Variants in STPG2 observed in about 807,000 individuals in gnomAD.
STPG2 encodes sperm-tail PG-rich repeat-containing protein 2.
In STPG2, 56 loss-of-function variants were observed where a neutral mutation model predicts 54.2. That is an observed-to-expected ratio of 1.03 (90% CI 0.83 to 1.29). The LOEUF (loss-of-function observed/expected upper bound fraction) is 1.29. Among genes scored for constraint, STPG2 ranks in the 50% most tolerant of loss-of-function variants. The pLI is 0.00. For synonymous variants in STPG2, 200 were observed against 181.8 expected (o/e 1.10, Z -0.81); for missense variants, 596 against 544.9 (o/e 1.09, Z -0.93).
intron 7 of STPG2, 110 bp from the exon 8 acceptor site, chr4:97,944,117 TAAAG>T: frequency 1.5e-6 from 1 of 683,748 alleles, no homozygotes; most frequent in Non-Finnish European, 2.5e-6. Flanking sequence ...TGGCATTAAA[TAAAG>T]ACACATATTC....
chr4:98,121,433 T>C (rs1016252883), intron 3 of STPG2, among the ~76,000 whole-genome samples: 3 of 152,198 alleles, frequency 2.0e-5, no homozygotes, highest in Admixed American at 2.0e-4. Context: ...AGAATGTCAA[T>C]GGTAGTTTAA....
intron 9 of STPG2, 30 bp from the exon 10 acceptor site, chr4:97,712,844 T>G: frequency 6.9e-7 from 1 of 1,448,890 alleles, no homozygotes; most frequent in Non-Finnish European, 9.5e-7. Flanking sequence ...AAAATTATGA[T>G]AAAGTATATT....
chr4:97,914,766 A>G (rs998985822), intron 8 of STPG2, among the ~76,000 whole-genome samples: 11 of 152,216 alleles, frequency 7.2e-5, no homozygotes, highest in African/African-American at 2.2e-4. Flanking sequence ...AAATGCTCCA[A>G]TGAGCATTTT....
rs78617869 is a variant in STPG2, at chr4:97,469,243, A to T, written c.462+243456T>A. Reference sequence around the variant, plus strand: ...AATAACAACCCAGTGACATTTATAAATTTTTTAAATGCATGTTAATACATT... The same window carrying T: ...AATAACAACCCAGTGACATTTATAATTTTTTTAAATGCATGTTAATACATT... On this transcript the variant is annotated intron_variant, in intron 4 of 4. Transcript: ENST00000522676. Among the ~76,000 whole-genome samples, 920 of 152,204 alleles carry T rather than the reference A, an allele frequency of 6.0e-3. 5 individuals carry two copies. Among genetic ancestry groups the T allele is most frequent in the South Asian group, 0.02 (98 of 4,830 alleles).
chr4:97,627,341 A>G (rs887362148), intron 10 of STPG2, among the ~76,000 whole-genome samples: 2 of 152,182 alleles, frequency 1.3e-5, no homozygotes, highest in Non-Finnish European at 1.5e-5. Flanking sequence ...GCTGCTCAAT[A>G]TGGAATTCTA....
intron 8 of STPG2, among the ~76,000 whole-genome samples, chr4:97,877,969 G>C (rs1730238374): frequency 6.6e-6 from 1 of 151,996 alleles, no homozygotes; most frequent in Non-Finnish European, 1.5e-5. Flanking sequence ...GGTAAATACA[G>C]CCATTCCAAA....
At chr4:97,884,035 G>A (rs890650373) in intron 8 of STPG2, among the ~76,000 whole-genome samples, 2 of 152,060 alleles carry the variant, frequency 1.3e-5, no homozygotes, top group Non-Finnish European at 2.9e-5. Context: ...GCACACTCAT[G>A]GGCAACTGCA....
intron 9 of STPG2, among the ~76,000 whole-genome samples, chr4:97,796,404 CA>C (rs1321378300): frequency 6.6e-6 from 1 of 152,180 alleles, no homozygotes; most frequent in African/African-American, 2.4e-5. Context: ...GATCCAGTTT[CA>C]GCTTTCTACA....
intron 8 of STPG2, among the ~76,000 whole-genome samples, chr4:97,885,103 G>A (rs1050303917): frequency 6.6e-5 from 10 of 152,062 alleles, no homozygotes; most frequent in African/African-American, 1.4e-4. Context: ...GAAACGTAAC[G>A]CTTAACATAG....
intron 9 of STPG2, among the ~76,000 whole-genome samples, chr4:97,776,830 T>C (rs1726393279): frequency 6.6e-6 from 1 of 152,216 alleles, no homozygotes; most frequent in Non-Finnish European, 1.5e-5. Context: ...TCTTTATTAC[T>C]ATTGCCTTCT....
At chr4:97,444,847 G>A (rs959981668) in intron 4 of STPG2, among the ~76,000 whole-genome samples, 10 of 152,082 alleles carry the variant, frequency 6.6e-5, no homozygotes, top group Admixed American at 2.6e-4. Context: ...GGCTAACATC[G>A]TGAAACCCCG....
At chr4:98,016,192 A>C (rs1303525689) in intron 5 of STPG2, among the ~76,000 whole-genome samples, 1 of 152,188 alleles carries the variant, frequency 6.6e-6, no homozygotes, top group Non-Finnish European at 1.5e-5. Context: ...TGTATCCCAG[A>C]ACTTAAAGTA....
intron 10 of STPG2, among the ~76,000 whole-genome samples, chr4:97,614,024 T>C (rs1352184303): frequency 6.6e-6 from 1 of 152,128 alleles, no homozygotes; most frequent in Non-Finnish European, 1.5e-5. Flanking sequence ...ATAACATCAA[T>C]GACAATTAGT....
At chr4:97,762,498 T>C (rs2149054800) in intron 9 of STPG2, among the ~76,000 whole-genome samples, 2 of 152,224 alleles carry the variant, frequency 1.3e-5, no homozygotes, top group Non-Finnish European at 2.9e-5. Flanking sequence ...ATGAAAAGAA[T>C]CCCATTTGCC....
At chr4:97,911,865 T>C (rs922483432) in intron 8 of STPG2, among the ~76,000 whole-genome samples, 1 of 151,882 alleles carries the variant, frequency 6.6e-6, no homozygotes. Context: ...AGCAGGTCCC[T>C]AATCCCGTTC....
chr4:97,757,689 C>T (rs1725772786), intron 9 of STPG2, among the ~76,000 whole-genome samples: 2 of 152,228 alleles, frequency 1.3e-5, no homozygotes, highest in South Asian at 4.1e-4. Context: ...AGTTTCCAAA[C>T]AAATATATTC....
chr4:97,865,529 GC>G (rs1220541214), intron 8 of STPG2, among the ~76,000 whole-genome samples: 1 of 152,146 alleles, frequency 6.6e-6, no homozygotes, highest in Non-Finnish European at 1.5e-5. Flanking sequence ...AGACAGTGTG[GC>G]AATTCCTTAG....
At chr4:98,091,315 A>C (rs2110126537) in intron 5 of STPG2, among the ~76,000 whole-genome samples, 1 of 152,114 alleles carries the variant, frequency 6.6e-6, no homozygotes, top group Middle Eastern at 3.4e-3. Context: ...CTGAGATTAC[A>C]AATCTGTTCA....
intron 8 of STPG2, among the ~76,000 whole-genome samples, chr4:97,880,560 G>A (rs909973211): frequency 1.9e-4 from 29 of 151,916 alleles, no homozygotes; most frequent in African/African-American, 2.9e-4. Flanking sequence ...AGGGAAGTCC[G>A]CAAATTAGAT....
Sources: allele counts gnomAD v4.1 joint callset (sites outside exome capture counted in the v4.1 genomes callset), GRCh38; gene constraint gnomAD v4.1.1; transcripts MANE v1.5; gene names NCBI Gene and HGNC (gene_info 2026-07-23, HGNC 2026-07-21).